MCF2L: variants seen among roughly 807,000 people sequenced by gnomAD.
MCF2L encodes the protein MCF.2 cell line derived transforming sequence like, also known as guanine nucleotide exchange factor DBS.
MCF2L carries 97 observed loss-of-function variants against 153.4 expected under a neutral mutation model. That is an observed-to-expected ratio of 0.63 (90% CI 0.54 to 0.75). The LOEUF is 0.75. Ranked by LOEUF, MCF2L falls within the 30% of genes least tolerant of loss-of-function variation. The pLI is 0.00. For synonymous variants in MCF2L, 659 were observed against 632.2 expected (o/e 1.04, Z -0.64); for missense variants, 1,347 against 1,495.2 (o/e 0.90, Z 1.64).
chr13:113,062,335 C>A (rs1309058266), intron 5 of MCF2L, among the ~76,000 whole-genome samples: 1 of 152,094 alleles, frequency 6.6e-6, no homozygotes, highest in Non-Finnish European at 1.5e-5. Context: ...CAGACAGCAC[C>A]TCTCGTGGTG....
At chr13:112,936,224 G>A (rs2081513153) in intron 2 of MCF2L, among the ~76,000 whole-genome samples, 2 of 142,820 alleles carry the variant, frequency 1.4e-5, no homozygotes, top group African/African-American at 2.6e-5. Flanking sequence ...AGGTTTCAGT[G>A]AGCCAAGATC....
chr13:113,074,319 C>A lies in MCF2L; in HGVS notation c.997-125C>A. On this transcript the variant is annotated intron_variant, in intron 9 of 29. Coordinates refer to ENST00000535094, the MANE Select transcript of MCF2L (RefSeq NM_001112732.3). This position sits in a 1 kb window ranked among gnomAD's most constrained non-coding sequence, Gnocchi z 4.2. Reference sequence around the variant, plus strand: ...TGCACCTGTCTGACTGTGGTCCCTGCTTGATTGATGACCACTTGGCCCGAC... The same window carrying A: ...TGCACCTGTCTGACTGTGGTCCCTGATTGATTGATGACCACTTGGCCCGAC... The A allele has an allele frequency of 8.0e-7, 1 of 1,249,518 alleles. No individual in the cohort carries two copies. Among genetic ancestry groups the A allele is most frequent in the Non-Finnish European group, 1.1e-6 (1 of 876,016 alleles). The allele number at this position is 1,249,518 out of a possible 1,614,324, so 77.4% of individuals were successfully genotyped here.
chr13:113,078,520 C>T, intron 14 of MCF2L, 84 bp downstream of exon 14: 12 of 1,409,650 alleles, frequency 8.5e-6, no homozygotes, highest in South Asian at 2.4e-5. Flanking sequence ...GGCCCCCCCT[C>T]CCGGGCACTG....
intron 4 of MCF2L, among the ~76,000 whole-genome samples, chr13:113,058,118 C>G (rs545235304): frequency 3.9e-4 from 57 of 145,338 alleles, no homozygotes; most frequent in African/African-American, 1.5e-3. Context: ...TGTTTGGGTG[C>G]TGAGTGTTTA....
chr13:113,050,444 C>T (rs944768210), intron 4 of MCF2L, among the ~76,000 whole-genome samples: 1 of 151,554 alleles, frequency 6.6e-6, no homozygotes, highest in Middle Eastern at 3.2e-3. Context: ...TTTTAGACTG[C>T]ATGGGGCCAC....
intron 3 of MCF2L, chr13:113,040,348 G>T (rs2086398493): frequency 6.6e-6 from 1 of 151,858 alleles, no homozygotes; most frequent in Non-Finnish European, 1.5e-5. Context: ...AAGAACTTAG[G>T]TGCCACCTAC....
chr13:113,076,577 T>G (rs2033501588), intron 12 of MCF2L, among the ~76,000 whole-genome samples: 2 of 152,204 alleles, frequency 1.3e-5, no homozygotes, highest in South Asian at 4.1e-4. Flanking sequence ...TTTAATGAAT[T>G]ACTACCAAAT....
At chr13:112,900,998 G>T (rs1283492274) in intron 1 of MCF2L, among the ~76,000 whole-genome samples, 2 of 152,128 alleles carry the variant, frequency 1.3e-5, no homozygotes, top group African/African-American at 4.8e-5. Context: ...TCAGGTTGGA[G>T]GGAGGCAGGC....
At chr13:112,989,068 C>T (rs79307738) in intron 1 of MCF2L, among the ~76,000 whole-genome samples, 10,327 of 53,828 alleles carry the variant, frequency 0.19, 2,678 homozygotes, top group African/African-American at 0.27. Flanking sequence ...GGAGCTACCA[C>T]GCCCGAGTCC....
At chr13:112,916,282 G>A (rs1039884347) in intron 2 of MCF2L, among the ~76,000 whole-genome samples, 2 of 151,276 alleles carry the variant, frequency 1.3e-5, no homozygotes, top group Admixed American at 6.6e-5. Context: ...TTAGCGGATA[G>A]TTTATCTATT....
intron 3 of MCF2L, among the ~76,000 whole-genome samples, chr13:113,041,523 A>G (rs2141481481): frequency 6.6e-6 from 1 of 151,014 alleles, no homozygotes; most frequent in East Asian, 2.0e-4. Flanking sequence ...CACAGTCAGT[A>G]TGGGGGATCA....
intron 3 of MCF2L, among the ~76,000 whole-genome samples, chr13:113,033,455 G>A (rs896382218): frequency 4.6e-5 from 7 of 151,448 alleles, no homozygotes; most frequent in Non-Finnish European, 1.0e-4. Context: ...CGTGATGTGA[G>A]TGGCCCCCGT....
At position 113,024,431 on chromosome 13, in the gene MCF2L, G is replaced by A. The variant is rs768997003; in HGVS notation, c.164-213G>A. On this transcript the variant is annotated intron_variant, in intron 2 of 29. Transcript: ENST00000535094. Reference sequence around the variant, plus strand: ...GCTGTCCCATGGTGGCCAAAATAACGAGTGATTGTCTAAATTCACATCACT... The same window carrying A: ...GCTGTCCCATGGTGGCCAAAATAACAAGTGATTGTCTAAATTCACATCACT... 1.9e-4 allele frequency among the ~76,000 whole-genome samples: 29 copies of A among 152,184 alleles called. 2 individuals carry two copies. The highest frequency in any genetic ancestry group is 1.5e-5 in the Non-Finnish European group (1 of 68,030).
At position 112,985,221 on chromosome 13, in the gene MCF2L, C is replaced by T. The variant is rs752275687; in HGVS notation, c.79+15763C>T. On this transcript the variant is annotated intron_variant, in intron 1 of 29. Coordinates refer to ENST00000535094, the MANE Select transcript of MCF2L (RefSeq NM_001112732.3). The stretch of plus-strand genomic sequence containing the variant: ...GGCCTCCAGGAGGGTAATTGCCTGG[C>T]GTACTCTGTCCCAGGTAGTGGGTGA... The T allele has an allele frequency of 8.0e-4, 292 of 365,106 alleles. 1 individual carries two copies. Among genetic ancestry groups the T allele is most frequent in the Non-Finnish European group, 1.3e-3 (236 of 179,054 alleles). 22.6% of individuals were successfully genotyped at this position (365,106 alleles called of 1,614,324 possible).
At chr13:113,036,266 C>G (rs893160842) in intron 3 of MCF2L, among the ~76,000 whole-genome samples, 12 of 152,170 alleles carry the variant, frequency 7.9e-5, no homozygotes, top group Admixed American at 3.3e-4. Context: ...TGTCATAGGT[C>G]TTCCTTCCTT....
intron 2 of MCF2L, among the ~76,000 whole-genome samples, chr13:113,023,656 C>G (rs1031473311): frequency 6.6e-6 from 1 of 152,188 alleles, no homozygotes; most frequent in Non-Finnish European, 1.5e-5. Flanking sequence ...TTGAAAAGCC[C>G]TATTTTACAG....
In MCF2L at chr13:112,943,734, G is replaced by C. The variant is rs978179408; in HGVS notation, c.169+41363G>C. 1.3e-5 allele frequency among the ~76,000 whole-genome samples: 2 copies of C among 152,102 alleles called. No homozygotes were observed. Among genetic ancestry groups the C allele is most frequent in the East Asian group, 3.9e-4 (2 of 5,142 alleles). On this transcript the variant is annotated intron_variant, in intron 2 of 29. Transcript: ENST00000375608. The surrounding 1 kb of genome is among the most constrained non-coding windows in gnomAD (Gnocchi z 4.2). ...ACCGCCGGGAGCCCGAGCAGCCTGC[G>C]GTGGCTCGGCTCGGGCCGGCGGAGA...
chr13:113,072,060 G>A (rs139484062), intron 9 of MCF2L, among the ~76,000 whole-genome samples: 202 of 152,262 alleles, frequency 1.3e-3, no homozygotes, highest in Middle Eastern at 0.01. Context: ...AGTTCAGTAC[G>A]TATTTTGTTT....
chr13:113,086,222 G>A lies in MCF2L; in HGVS notation c.2346G>A (p.Met782Ile), dbSNP rs905475934. ...TCCTGAAGGCCGTGAACGACTCCAT[G>A]CACCTCATCGCTATCACCGGCTATG... ...LGILKAVNDS[M>I]HLIAITGYDG... Residue 782 changes from methionine to isoleucine, a missense_variant, in exon 21 of 30, where the codon ATG (methionine) becomes ATA (isoleucine). Physicochemically the swap from Met to Ile is conservative, Grantham distance 10 (BLOSUM62 1). Around this residue, in one of 3 missense-constraint regions of MCF2L, gnomAD observed 144 missense variants for 238.7 expected, o/e 0.60. Transcript: ENST00000535094. 6.2e-7 allele frequency: 1 copy of A among 1,610,114 alleles called. No individual in the cohort carries two copies. Among genetic ancestry groups the A allele is most frequent in the Non-Finnish European group, 8.5e-7 (1 of 1,178,368 alleles).
Sources: gnomAD v4.1 joint callset for allele counts (sites outside exome capture counted in the v4.1 genomes callset) on GRCh38, gnomAD v4.1.1 for gene constraint, gnomAD v4.1.1 regional missense constraint, Gnocchi (gnomAD v3.1) non-coding constraint, MANE v1.5 for transcripts, NCBI Gene and HGNC (gene_info 2026-07-23, HGNC 2026-07-21) for gene names.